The following ABCA13 variants were observed in gnomAD, a reference collection of about 807,000 sequenced individuals.
ABCA13 encodes ATP-binding cassette sub-family A member 13.
In ABCA13, 476 loss-of-function variants were observed where a neutral mutation model predicts 478.7. That is an observed-to-expected ratio of 0.99 (90% CI 0.92 to 1.07). The LOEUF is 1.07. Among genes scored for constraint, ABCA13 ranks in the 50% least tolerant of loss-of-function variants. ABCA13 has a pLI of 0.00. For missense variants in ABCA13, 6,060 were observed against 5,910.6 expected (o/e 1.03, Z -0.83); for synonymous variants, 2,252 against 2,158.9 (o/e 1.04, Z -1.20).
intron 59 of ABCA13, among the ~76,000 whole-genome samples, chr7:48,628,448 G>A (rs903597396): frequency 2.0e-5 from 3 of 152,158 alleles, no homozygotes; most frequent in Admixed American, 6.5e-5. Context: ...CTTGAGCCAC[G>A]AGGAAATCTT....
intron 44 of ABCA13, among the ~76,000 whole-genome samples, chr7:48,470,144 A>C (rs1026705698): frequency 6.6e-5 from 10 of 152,150 alleles, no homozygotes; most frequent in African/African-American, 2.4e-4. Flanking sequence ...GAAACTTCTG[A>C]TTTCTCATAG....
chr7:48,497,746 G>A lies in ABCA13; in HGVS notation c.13291+8402G>A, dbSNP rs1427465204. On this transcript the variant is annotated intron_variant, in intron 48 of 61. Transcript: ENST00000435803. ...AGGCACTGACTCATGCTGTCTCATT[G>A]TCTCTAAGTGAGTGGGGGAGTAGAG... 4.1e-5 allele frequency among the ~76,000 whole-genome samples: 6 copies of A among 147,708 alleles called. No individual in the cohort carries two copies. The East Asian group carries it at 1.2e-3, about 30-fold the overall frequency.
chr7:48,174,408 A>G (rs887727510), intron 1 of ABCA13, among the ~76,000 whole-genome samples: 1 of 152,082 alleles, frequency 6.6e-6, no homozygotes, highest in Non-Finnish European at 1.5e-5. Flanking sequence ...ATGCTTTTAC[A>G]TTTACTTTTA....
rs1164996826 is a variant in ABCA13, at chr7:48,594,653, G to A, written c.14641-57G>A. The A allele has an allele frequency of 2.0e-6, 3 of 1,507,228 alleles. No homozygotes were observed. The East Asian group carries it at 6.8e-5, about 34-fold the overall frequency. 93.4% of individuals were successfully genotyped at this position (1,507,228 alleles called of 1,614,324 possible). ...GGGGTCTGGCCTCCCATGTCATTGT[G>A]TATATTTCTATTTGTGTTTTTCAAA... On this transcript the variant is annotated intron_variant, in intron 57 of 61. Coordinates refer to ENST00000435803, the MANE Select transcript of ABCA13 (RefSeq NM_152701.5).
intron 15 of ABCA13, 72 bp from the exon 16 acceptor site, chr7:48,268,908 C>A: frequency 1.9e-6 from 1 of 529,142 alleles, no homozygotes; most frequent in Non-Finnish European, 3.3e-6. Flanking sequence ...ACTACTCTAG[C>A]ATTTTTCACT....
At chr7:48,445,347 C>A (rs1212489788) in intron 42 of ABCA13, among the ~76,000 whole-genome samples, 1 of 152,144 alleles carries the variant, frequency 6.6e-6, no homozygotes, top group Non-Finnish European at 1.5e-5. Flanking sequence ...TCACATTATT[C>A]TCACTCCCAA....
intron 41 of ABCA13, among the ~76,000 whole-genome samples, chr7:48,421,824 C>G (rs1327384362): frequency 1.3e-5 from 2 of 152,100 alleles, no homozygotes; most frequent in Admixed American, 6.5e-5. Context: ...AATTACACAG[C>G]ATTCATTTAG....
intron 5 of ABCA13, 28 bp downstream of exon 5, chr7:48,221,337 T>C (rs1196937275): frequency 2.9e-5 from 32 of 1,086,976 alleles, no homozygotes; most frequent in Non-Finnish European, 4.2e-5. Flanking sequence ...AGTTTGAAAA[T>C]TAGTCTTCAG....
At chr7:48,599,736 G>T (rs900764348) in intron 58 of ABCA13, among the ~76,000 whole-genome samples, 2 of 152,156 alleles carry the variant, frequency 1.3e-5, no homozygotes, top group African/African-American at 4.8e-5. Flanking sequence ...ATGCATAATT[G>T]TGGTTGTATT....
intron 42 of ABCA13, among the ~76,000 whole-genome samples, chr7:48,438,270 ACC>A (rs1823111394): frequency 4.6e-5 from 7 of 152,054 alleles, no homozygotes; most frequent in Non-Finnish European, 8.8e-5. Flanking sequence ...CAAGTAAAAC[ACC>A]ACAGAATTTT....
At chr7:48,291,124 C>G (rs1216906203) in intron 20 of ABCA13, among the ~76,000 whole-genome samples, 2 of 152,120 alleles carry the variant, frequency 1.3e-5, no homozygotes, top group Admixed American at 1.3e-4. Context: ...TTTCTTTCTG[C>G]TTTGCTGTGG....
rs377508597 is a variant in ABCA13, at chr7:48,637,081, G to A, written c.14838-6207G>A. ...AGAAGTTTAATCCACTCTCCCAAGG[G>A]AACCATGTCCCTACAAAAACTTAAA... On this transcript the variant is annotated intron_variant, in intron 59 of 61. Coordinates refer to ENST00000435803, the MANE Select transcript of ABCA13 (RefSeq NM_152701.5). 2.0e-5 allele frequency among the ~76,000 whole-genome samples: 3 copies of A among 151,982 alleles called. No individual in the cohort carries two copies. In the South Asian group the frequency reaches 6.2e-4, roughly 32 times the overall value.
intron 59 of ABCA13, among the ~76,000 whole-genome samples, chr7:48,616,557 CT>C (rs1243175317): frequency 1.3e-5 from 2 of 152,126 alleles, no homozygotes; most frequent in African/African-American, 4.8e-5. Flanking sequence ...TTTTCTCTAG[CT>C]GTTGCATTCT....
intron 15 of ABCA13, among the ~76,000 whole-genome samples, chr7:48,250,023 T>C (rs1792303995): frequency 6.7e-6 from 1 of 150,252 alleles, no homozygotes; most frequent in Admixed American, 6.6e-5. Context: ...ATCAATTGGG[T>C]ATAAATCAGG....
At chr7:48,204,536 C>T (rs1389578568) in intron 3 of ABCA13, among the ~76,000 whole-genome samples, 1 of 152,120 alleles carries the variant, frequency 6.6e-6, no homozygotes, top group Non-Finnish European at 1.5e-5. Context: ...AATGGCTTTC[C>T]TGACATGGAG....
At chr7:48,423,217 A>C (rs1238308771) in intron 41 of ABCA13, among the ~76,000 whole-genome samples, 1 of 152,236 alleles carries the variant, frequency 6.6e-6, no homozygotes. Context: ...GTATCATCTA[A>C]GTTGTCCATG....
intron 58 of ABCA13, among the ~76,000 whole-genome samples, chr7:48,607,116 G>A (rs62447352): frequency 1.8e-4 from 28 of 152,216 alleles, no homozygotes; most frequent in Non-Finnish European, 3.8e-4. Context: ...AGAATTTCAA[G>A]CCCGTGGATC....
At chr7:48,328,570 A>C (rs569974937) in intron 27 of ABCA13, among the ~76,000 whole-genome samples, 1 of 152,290 alleles carries the variant, frequency 6.6e-6, no homozygotes, top group South Asian at 2.1e-4. Flanking sequence ...CCAAACCCTC[A>C]GATGAGCATA....
chr7:48,272,056 G>A lies in ABCA13; in HGVS notation c.2390G>A (p.Gly797Asp), dbSNP rs749852767. Residue 797 changes from glycine to aspartate, a missense_variant, in exon 17 of 62, where the codon GGC becomes GAC. Gly to Asp is a moderately conservative substitution (Grantham distance 94). Transcript: ENST00000435803. ...GATGCTCAGAAACTCTTGGAATTTG[G>A]CAACGAAGTGATTTGGAAAATGCAG... ...ATDAQKLLEFGNEVIWKMQTL... is the reference protein window; with the variant it reads ...ATDAQKLLEFDNEVIWKMQTL... 118 of 1,613,548 alleles carry A rather than the reference G, an allele frequency of 7.3e-5. No individual in the cohort carries two copies. The Admixed American group carries it at 8.0e-4, about 11-fold the overall frequency.
Sources: gnomAD v4.1 joint callset for allele counts (sites outside exome capture counted in the v4.1 genomes callset) on GRCh38, gnomAD v4.1.1 for gene constraint, MANE v1.5 for transcripts, NCBI Gene and HGNC (gene_info 2026-07-23, HGNC 2026-07-21) for gene names.